The following PCCA variants were observed in gnomAD, a reference collection of about 807,000 sequenced individuals.
PCCA encodes the protein propionyl-CoA carboxylase alpha chain, mitochondrial.
Under a neutral mutation model 101.3 loss-of-function variants are expected in PCCA, and 74 were observed. That is an observed-to-expected ratio of 0.73 (90% CI 0.61 to 0.89). The LOEUF is 0.89. Ranked by LOEUF, PCCA falls within the 40% of genes least tolerant of loss-of-function variation. The pLI, the probability that PCCA is intolerant of heterozygous loss-of-function variation, is 0.00. For missense variants in PCCA, 891 were observed against 907.0 expected, an observed-to-expected ratio of 0.98 and a Z score of 0.23; for synonymous variants, 294 against 313.6, an observed-to-expected ratio of 0.94 and a Z score of 0.66.
chr13:100,302,100 G>A (rs188935211), intron 13 of PCCA, among the ~76,000 whole-genome samples: 1 of 151,880 alleles, frequency 6.6e-6, no homozygotes, highest in African/African-American at 2.4e-5. Context: ...AATTTAAATT[G>A]TAAAGCTTTT....
chr13:100,348,772 CT>C (rs869309353), intron 18 of PCCA, among the ~76,000 whole-genome samples: 3,165 of 94,516 alleles, frequency 0.033, 39 homozygotes, highest in Non-Finnish European at 0.044. Context: ...TTCTTTCTTT[CT>C]TTCTTTCTTT....
chr13:100,121,760 T>C (rs2049424672), intron 4 of PCCA, among the ~76,000 whole-genome samples: 1 of 152,126 alleles, frequency 6.6e-6, no homozygotes, highest in Non-Finnish European at 1.5e-5. Flanking sequence ...AGGCATGAGC[T>C]ACTGTGCCCG....
intron 20 of PCCA, among the ~76,000 whole-genome samples, chr13:100,440,280 T>G (rs1425679872): frequency 1.4e-5 from 2 of 147,648 alleles, no homozygotes; most frequent in Non-Finnish European, 3.0e-5. Flanking sequence ...ATGAATATGA[T>G]GGACGAGATG....
At chr13:100,290,277 A>G (rs914103662) in intron 12 of PCCA, among the ~76,000 whole-genome samples, 1 of 151,804 alleles carries the variant, frequency 6.6e-6, no homozygotes, top group African/African-American at 2.4e-5. Flanking sequence ...AGTGGCATGA[A>G]CCTGGTTCAC....
intron 9 of PCCA, among the ~76,000 whole-genome samples, chr13:100,259,361 GTC>G (rs2062304305): frequency 3.5e-5 from 4 of 113,164 alleles, no homozygotes; most frequent in Non-Finnish European, 5.0e-5. Context: ...TTGAGACAGA[GTC>G]TCTCTCTGTC....
intron 18 of PCCA, among the ~76,000 whole-genome samples, chr13:100,355,732 C>T (rs1382379922): frequency 1.3e-5 from 2 of 152,142 alleles, no homozygotes; most frequent in Admixed American, 6.5e-5. Flanking sequence ...TCTACAGATT[C>T]AGCACAATCC....
At chr13:100,348,733 T>C (rs1566975581) in intron 18 of PCCA, among the ~76,000 whole-genome samples, 1 of 77,170 alleles carries the variant, frequency 1.3e-5, no homozygotes, top group Non-Finnish European at 2.5e-5. Context: ...TTTTCCTTTC[T>C]TTCTTTCTTT....
chr13:100,469,623 A>C (rs1323861692), intron 21 of PCCA, among the ~76,000 whole-genome samples: 1 of 152,002 alleles, frequency 6.6e-6, no homozygotes, highest in South Asian at 2.1e-4. Context: ...CTAAAAATAC[A>C]GTATTAGCTG....
intron 19 of PCCA, among the ~76,000 whole-genome samples, chr13:100,385,039 T>A (rs2076421890): frequency 6.6e-6 from 1 of 152,144 alleles, no homozygotes; most frequent in East Asian, 1.9e-4. Context: ...TTAAACTACT[T>A]CTCTTCTTAG....
intron 4 of PCCA, chr13:100,150,620 C>T: frequency 8.2e-7 from 1 of 1,225,656 alleles, no homozygotes. Flanking sequence ...CACACATCTC[C>T]CTGTGCTGTG....
chr13:100,271,396 C>A (rs959953307), intron 11 of PCCA, among the ~76,000 whole-genome samples: 1 of 152,154 alleles, frequency 6.6e-6, no homozygotes, highest in African/African-American at 2.4e-5. Context: ...CCCCCTCCCC[C>A]ACCCCAATCC....
At chr13:100,100,668 AAACAGG>A (rs2047191113) in intron 1 of PCCA, among the ~76,000 whole-genome samples, 1 of 152,174 alleles carries the variant, frequency 6.6e-6, no homozygotes, top group Non-Finnish European at 1.5e-5. Context: ...TCCCAGGAGG[AAACAGG>A]AACAGAGCCT....
At chr13:100,093,011 C>T (rs2046416716) in intron 1 of PCCA, among the ~76,000 whole-genome samples, 1 of 152,112 alleles carries the variant, frequency 6.6e-6, no homozygotes, top group African/African-American at 2.4e-5. Flanking sequence ...TGCTCTAGTC[C>T]TTTTCTAAGA....
At chr13:100,309,374 G>A (rs1423154361) in intron 15 of PCCA, among the ~76,000 whole-genome samples, 2 of 152,164 alleles carry the variant, frequency 1.3e-5, no homozygotes, top group Non-Finnish European at 2.9e-5. Context: ...TCCAGCCTGG[G>A]CAATAGAGCG....
At position 100,225,451 on chromosome 13, in the gene PCCA, A is replaced by C. The variant is rs371037973; in HGVS notation, c.601-10391A>C. ...TTTGAATGAGTTTTGTAAATTAGGC[A>C]GTGTAGATTTAAAGTAGTAATTGTT... On this transcript the variant is annotated intron_variant, in intron 7 of 23. Transcript: ENST00000376285. Among the ~76,000 whole-genome samples, 144 of 152,332 alleles carry C rather than the reference A, an allele frequency of 9.5e-4. 4 individuals carry two copies. In the South Asian group the frequency reaches 0.027, roughly 29 times the overall value.
At chr13:100,117,912 C>T (rs913362131) in intron 4 of PCCA, among the ~76,000 whole-genome samples, 2 of 151,664 alleles carry the variant, frequency 1.3e-5, no homozygotes, top group Non-Finnish European at 2.9e-5. Flanking sequence ...GGCAGGAGAT[C>T]GAGACCATCC....
intron 21 of PCCA, among the ~76,000 whole-genome samples, chr13:100,454,720 AAGAG>A (rs2081584543): frequency 6.6e-6 from 1 of 152,234 alleles, no homozygotes; most frequent in African/African-American, 2.4e-5. Context: ...ATTTTAGACT[AAGAG>A]AAGTACTTCT....
chr13:100,506,267 T>A (rs1844661742), intron 21 of PCCA, among the ~76,000 whole-genome samples: 1 of 151,808 alleles, frequency 6.6e-6, no homozygotes, highest in African/African-American at 2.4e-5. Flanking sequence ...GTGCCAGCAG[T>A]CCTCCTTGGC....
chr13:100,152,142 A>G (rs1336668195), intron 4 of PCCA, among the ~76,000 whole-genome samples: 1 of 152,166 alleles, frequency 6.6e-6, no homozygotes, highest in Non-Finnish European at 1.5e-5. Flanking sequence ...TTTCTTTTGC[A>G]TGGCCTTTTG....
Sources: allele counts gnomAD v4.1 joint callset (sites outside exome capture counted in the v4.1 genomes callset), GRCh38; gene constraint gnomAD v4.1.1; transcripts MANE v1.5; gene names NCBI Gene and HGNC (gene_info 2026-07-23, HGNC 2026-07-21).